The following AFMID variants were observed in gnomAD, a reference collection of about 807,000 sequenced individuals.
The protein encoded by AFMID is kynurenine formamidase.
AFMID carries 39 observed loss-of-function variants against 47.5 expected under a neutral mutation model. That is an observed-to-expected ratio of 0.82 (90% CI 0.64 to 1.07). AFMID has a LOEUF of 1.07. Among genes scored for constraint, AFMID ranks in the 50% least tolerant of loss-of-function variants. AFMID has a pLI of 0.00. For synonymous variants in AFMID, 130 were observed against 153.2 expected (o/e 0.85, Z 1.12); for missense variants, 375 against 387.5 (o/e 0.97, Z 0.27).
chr17:78,198,444 C>CAA (rs572015460), intron 2 of AFMID, among the ~76,000 whole-genome samples: 190 of 139,286 alleles, frequency 1.4e-3, no homozygotes, highest in African/African-American at 4.6e-3. Flanking sequence ...ACTACAAATA[C>CAA]AAAAAAAAAA....
chr17:78,202,386 G>A lies in AFMID; in HGVS notation c.155-113G>A, dbSNP rs575775775. 1.5e-4 allele frequency: 149 copies of A among 988,578 alleles called. No homozygotes were observed. In the African/African-American group the frequency reaches 1.7e-3, roughly 11 times the overall value. 61.2% of individuals were successfully genotyped at this position (988,578 alleles called of 1,614,324 possible). A position where few individuals can be genotyped will look rare whatever the true frequency, so the allele number is the denominator to read the frequency against. On this transcript the variant is annotated intron_variant, in intron 2 of 10. Transcript: ENST00000409257. ...GGAGATTGCAGTGAGCCGAGATCGC[G>A]CCACTGCACTCCAGCTTGGGCAACA... is the stretch of plus-strand genomic sequence containing the variant.
Position 78,205,130 on chromosome 17 carries a change from C to G in AFMID, c.505C>G (p.Leu169Val). 6.2e-7 allele frequency: 1 copy of G among 1,612,954 alleles called. No homozygotes were observed. The highest frequency in any genetic ancestry group is 1.7e-4 in the Middle Eastern group (1 of 6,060). The change falls in exon 7 of 11, where the codon CTG becomes GTG. Residue 169 changes from leucine to valine, a missense_variant. Physicochemically the swap from Leu to Val is conservative, Grantham distance 32. Transcript: ENST00000409257. Reference protein sequence around the residue: ...YLCGHSAGAHLAAMMLLADWT... With the variant: ...YLCGHSAGAHVAAMMLLADWT... ...GTGTGGACACTCAGCCGGGGCCCAC[C>G]TGGCTGCCATGATGCTCCTGGCCGA...
rs1163959276 is a variant in AFMID, at chr17:78,207,273, C to CTTTTTTTTTTTTTT, written c.*351_*364dup. ...ACGCTCAAAAGTAATGCCATTACTTCTTTTTTTTTTTTTTTTTTTTTTTTT... is the reference window on the plus strand; with the variant it reads ...ACGCTCAAAAGTAATGCCATTACTTCTTTTTTTTTTTTTTTTTTTTTTTTTTTTTTTTTTTTTTT... On this transcript the variant is annotated 3_prime_UTR_variant, in exon 11 of 11. Transcript: ENST00000409257. 7.2e-5 allele frequency: 6 copies of CTTTTTTTTTTTTTT among 83,786 alleles called. No homozygotes were observed. Among genetic ancestry groups the CTTTTTTTTTTTTTT allele is most frequent in the Admixed American group, 2.3e-4 (1 of 4,272 alleles). The allele number at this position is 83,786 out of a possible 1,614,324, so 5.2% of individuals were successfully genotyped here. A position where few individuals can be genotyped will look rare whatever the true frequency, so the allele number is the denominator to read the frequency against.
chr17:78,192,276 G>A (rs2075990996), intron 2 of AFMID, among the ~76,000 whole-genome samples: 6 of 143,690 alleles, frequency 4.2e-5, no homozygotes, highest in Admixed American at 3.6e-4. Flanking sequence ...CTCCCAAAGT[G>A]CTAGGATTAC....
At chr17:78,198,005 G>A (rs2076154522) in intron 2 of AFMID, among the ~76,000 whole-genome samples, 1 of 151,984 alleles carries the variant, frequency 6.6e-6, no homozygotes, top group African/African-American at 2.4e-5. Context: ...AAGGTGGGAG[G>A]ATCACTTGAG....
chr17:78,204,504 G>A (rs1387806708), intron 4 of AFMID, 152 bp from the exon 5 acceptor site: 9 of 738,220 alleles, frequency 1.2e-5, no homozygotes, highest in Non-Finnish European at 1.9e-5. Context: ...ATGTGGCAGG[G>A]AGAGAGCCTG....
chr17:78,202,854 C>G (rs538700407), intron 4 of AFMID, 103 bp downstream of exon 4: 1 of 1,363,592 alleles, frequency 7.3e-7, no homozygotes. Context: ...AAGCTGGGCA[C>G]TCCTTGCAGG....
At chr17:78,203,921 G>A (rs2076310855) in intron 4 of AFMID, 1 of 151,554 alleles carries the variant, frequency 6.6e-6, no homozygotes, top group Non-Finnish European at 1.5e-5. Flanking sequence ...CTACTCGGGA[G>A]GCTAATGCAG....
At chr17:78,203,055 CTTTTTTTTTTTTT>C (rs56016227) in intron 4 of AFMID, 1,303 of 111,254 alleles carry the variant, frequency 0.012, 30 homozygotes, top group African/African-American at 0.059. Context: ...CTTCCTCTCT[CTTTTTTTTTTTTT>C]TTTTTTTTTT....
intron 2 of AFMID, among the ~76,000 whole-genome samples, chr17:78,196,365 A>G (rs908194254): frequency 3.3e-5 from 5 of 151,688 alleles, no homozygotes; most frequent in African/African-American, 1.2e-4. Context: ...ACCTTGTCTC[A>G]GAAAAAAAAG....
chr17:78,195,629 A>G (rs1196204761), intron 2 of AFMID, among the ~76,000 whole-genome samples: 1 of 151,756 alleles, frequency 6.6e-6, no homozygotes, highest in African/African-American at 2.4e-5. Flanking sequence ...TGGCCTCCCA[A>G]GTAGCTGGGA....
At chr17:78,197,518 C>T (rs1158918801) in intron 2 of AFMID, 3 of 304,426 alleles carry the variant, frequency 9.9e-6, no homozygotes, top group Non-Finnish European at 1.8e-5. Context: ...CTTGGACTTC[C>T]AGTTTGCAGA....
chr17:78,195,947 G>C (rs1347284289), intron 2 of AFMID, among the ~76,000 whole-genome samples: 1 of 152,142 alleles, frequency 6.6e-6, no homozygotes, highest in Non-Finnish European at 1.5e-5. Flanking sequence ...CCAGGTTCAC[G>C]CCATTCTCCT....
intron 4 of AFMID, among the ~76,000 whole-genome samples, 162 bp from the exon 5 acceptor site, chr17:78,204,494 A>G (rs2076324555): frequency 6.6e-6 from 1 of 152,140 alleles, no homozygotes; most frequent in African/African-American, 2.4e-5. Flanking sequence ...CTAGCATGTG[A>G]TGTGGCAGGG....
At chr17:78,200,825 A>G (rs1056373410) in intron 2 of AFMID, among the ~76,000 whole-genome samples, 8 of 152,184 alleles carry the variant, frequency 5.3e-5, no homozygotes, top group Non-Finnish European at 1.2e-4. Context: ...TGGTAAACAA[A>G]TGCAATATTT....
At chr17:78,197,058 C>T (rs1353501849) in intron 2 of AFMID, 5 of 1,123,472 alleles carry the variant, frequency 4.5e-6, no homozygotes, top group Admixed American at 2.0e-5. Flanking sequence ...CCTATAGCTG[C>T]TTGGTTTTAA....
Position 78,204,892 on chromosome 17 carries a change from A to G in AFMID, c.459A>G (p.Pro153=), listed in dbSNP as rs2076337611. The G allele has an allele frequency of 6.2e-7, 1 of 1,614,114 alleles. No homozygotes were observed. The highest frequency in any genetic ancestry group is 1.1e-5 in the South Asian group (1 of 91,096). Residue 153 remains proline, a synonymous_variant, in exon 6 of 11, where the codon CCA becomes CCG. Coordinates refer to ENST00000409257, the MANE Select transcript of AFMID (RefSeq NM_001010982.5). ...RSVAFVQKRY[P]SNKGIYLCGH... is the part of the protein sequence containing the mutation. Reference sequence around the variant, plus strand: ...TTGCGTTTGTCCAGAAGCGGTATCCAAGCAACAAGTGGGTGTTGCCAGTAG... The same window carrying G: ...TTGCGTTTGTCCAGAAGCGGTATCCGAGCAACAAGTGGGTGTTGCCAGTAG...
intron 6 of AFMID, 67 bp downstream of exon 6, chr17:78,204,967 C>T: frequency 6.3e-7 from 1 of 1,599,580 alleles, no homozygotes; most frequent in Non-Finnish European, 8.6e-7. Context: ...GCAATCAGTA[C>T]CTAGGATACA....
intron 1 of AFMID, among the ~76,000 whole-genome samples, chr17:78,188,995 G>A (rs1026289554): frequency 6.6e-6 from 1 of 152,096 alleles, no homozygotes; most frequent in Non-Finnish European, 1.5e-5. Flanking sequence ...GCCTCCCAAA[G>A]TGCTGAGATT....
Sources: allele counts gnomAD v4.1 joint callset (sites outside exome capture counted in the v4.1 genomes callset), GRCh38; gene constraint gnomAD v4.1.1; transcripts MANE v1.5; gene names NCBI Gene and HGNC (gene_info 2026-07-23, HGNC 2026-07-21).